Variants in MYRFL observed in about 807,000 individuals in gnomAD.
MYRFL encodes myelin regulatory factor-like protein.
In MYRFL, 88 loss-of-function variants were observed where a neutral mutation model predicts 109.4. That is an observed-to-expected ratio of 0.80 (90% CI 0.68 to 0.96). MYRFL has a LOEUF of 0.96. Ranked by LOEUF, MYRFL falls within the 40% of genes least tolerant of loss-of-function variation. The pLI is 0.00. For synonymous variants in MYRFL, 324 were observed against 320.9 expected (o/e 1.01, Z -0.10); for missense variants, 957 against 954.9 (o/e 1.00, Z -0.03).
At chr12:69,934,786 G>A (rs1955393220) in intron 16 of MYRFL, among the ~76,000 whole-genome samples, 1 of 152,164 alleles carries the variant, frequency 6.6e-6, no homozygotes, top group African/African-American at 2.4e-5. Context: ...TGAGGCTGAT[G>A]TTTTTATAGG....
Position 69,958,697 on chromosome 12 carries a change from G to A in MYRFL, c.*166G>A. On this transcript the variant is annotated 3_prime_UTR_variant, in exon 25 of 25. Coordinates refer to ENST00000552032, the MANE Select transcript of MYRFL (RefSeq NM_182530.3). ...TCCAACAGTTTTGAGACATTAATGA[G>A]GAGAATAAAATGTTTGCTGAAACTT... The A allele has an allele frequency of 1.8e-6, 1 of 564,500 alleles. No individual in the cohort carries two copies. Among genetic ancestry groups the A allele is most frequent in the Non-Finnish European group, 3.1e-6 (1 of 325,638 alleles). The allele number at this position is 564,500 out of a possible 1,614,324, so 35.0% of individuals were successfully genotyped here.
Position 69,957,809 on chromosome 12 carries a change from T to C in MYRFL, c.2451-13T>C. ...CTTTTTCAGGTGCTCTTTCTTTTCT[T>C]TGTCTCTTGAAGCACAACAGAGCCA... On this transcript the variant is annotated splice_polypyrimidine_tract_variant and intron_variant, in intron 22 of 24. Coordinates refer to ENST00000552032, the MANE Select transcript of MYRFL (RefSeq NM_182530.3). 6.6e-7 allele frequency: 1 copy of C among 1,511,028 alleles called. No homozygotes were observed. The highest frequency in any genetic ancestry group is 1.2e-5 in the South Asian group (1 of 81,366). The allele number at this position is 1,511,028 out of a possible 1,614,324, so 93.6% of individuals were successfully genotyped here.
chr12:69,874,612 T>C (rs1052105122), intron 2 of MYRFL, among the ~76,000 whole-genome samples: 2 of 152,232 alleles, frequency 1.3e-5, no homozygotes, highest in African/African-American at 4.8e-5. Flanking sequence ...TAACTGTCTT[T>C]AACATTTCTT....
At chr12:69,956,500 G>A (rs917367358) in intron 22 of MYRFL, among the ~76,000 whole-genome samples, 1 of 152,084 alleles carries the variant, frequency 6.6e-6, no homozygotes, top group Admixed American at 6.5e-5. Flanking sequence ...GAAGATAAAT[G>A]GTTTTTTGTG....
rs1310566243 is a variant in MYRFL at position 69,939,450 on chromosome 12, AG to A, written c.2224+2821del. Among the ~76,000 whole-genome samples the A allele has an allele frequency of 5.3e-5, 8 of 152,248 alleles. No homozygotes were observed. The East Asian group carries it at 1.4e-3, about 26-fold the overall frequency. On this transcript the variant is annotated intron_variant, in intron 19 of 24. Coordinates refer to ENST00000552032, the MANE Select transcript of MYRFL (RefSeq NM_182530.3). ...GGGGCACACTGACACCTCACACGGC[AG>A]GGTACTCCAACAGACCTGCAGCTGA...
At chr12:69,841,537 G>T (rs1241565397) in intron 1 of MYRFL, among the ~76,000 whole-genome samples, 8 of 152,230 alleles carry the variant, frequency 5.3e-5, no homozygotes, top group Non-Finnish European at 5.9e-5. Context: ...AGTTGGAAGA[G>T]ATGTGCACAA....
chr12:69,875,028 T>G (rs1885577135), intron 2 of MYRFL, among the ~76,000 whole-genome samples: 1 of 151,142 alleles, frequency 6.6e-6, no homozygotes, highest in Non-Finnish European at 1.5e-5. Flanking sequence ...CTCAGCAAAA[T>G]AAATACATCT....
intron 16 of MYRFL, among the ~76,000 whole-genome samples, chr12:69,933,866 C>T (rs1385996533): frequency 3.1e-5 from 2 of 63,676 alleles, no homozygotes; most frequent in Non-Finnish European, 8.7e-5. Flanking sequence ...TTTAAACATG[C>T]TTATTAGGTC....
intron 13 of MYRFL, among the ~76,000 whole-genome samples, chr12:69,918,561 C>T (rs1238634996): frequency 6.6e-6 from 1 of 152,170 alleles, no homozygotes; most frequent in Non-Finnish European, 1.5e-5. Flanking sequence ...CCTATTGTTG[C>T]TCAGTTCTCA....
At chr12:69,917,703 G>A (rs1003736748) in intron 13 of MYRFL, among the ~76,000 whole-genome samples, 3 of 152,120 alleles carry the variant, frequency 2.0e-5, no homozygotes, top group African/African-American at 7.2e-5. Flanking sequence ...CCTCATCAGT[G>A]CTGTGTTGAT....
At chr12:69,896,879 G>A (rs551704603) in intron 9 of MYRFL, among the ~76,000 whole-genome samples, 5 of 152,310 alleles carry the variant, frequency 3.3e-5, no homozygotes, top group Admixed American at 1.3e-4. Context: ...GGATGTCTCC[G>A]CAGGGTGGCC....
intron 16 of MYRFL, among the ~76,000 whole-genome samples, chr12:69,934,992 G>C (rs1227936881): frequency 1.3e-5 from 2 of 152,160 alleles, no homozygotes; most frequent in Non-Finnish European, 2.9e-5. Flanking sequence ...AACCCTGTTT[G>C]GCTAGGATTT....
intron 10 of MYRFL, among the ~76,000 whole-genome samples, chr12:69,900,940 T>C (rs1235761444): frequency 6.6e-6 from 1 of 152,192 alleles, no homozygotes; most frequent in Admixed American, 6.5e-5. Flanking sequence ...GGAGAGTGTG[T>C]CGAGAATAAC....
intron 1 of MYRFL, among the ~76,000 whole-genome samples, chr12:69,834,081 T>C (rs772637209): frequency 4.6e-5 from 7 of 152,124 alleles, no homozygotes; most frequent in Non-Finnish European, 8.8e-5. Flanking sequence ...TCCTGCTCTG[T>C]GCATAACAAA....
At chr12:69,921,774 T>A (rs1480297842) in intron 13 of MYRFL, among the ~76,000 whole-genome samples, 1 of 152,138 alleles carries the variant, frequency 6.6e-6, no homozygotes, top group Non-Finnish European at 1.5e-5. Context: ...ACTGGCAAAT[T>A]TCAGTTGGAG....
chr12:69,868,274 T>C (rs1885129022), intron 2 of MYRFL, among the ~76,000 whole-genome samples: 1 of 151,860 alleles, frequency 6.6e-6, no homozygotes, highest in African/African-American at 2.4e-5. Flanking sequence ...GCCTGGCTAA[T>C]TTTTTTGTAT....
Position 69,922,401 on chromosome 12 carries a change from T to TTTTG in MYRFL, c.1603-4167_1603-4164dup, listed in dbSNP as rs1954941783. On this transcript the variant is annotated intron_variant, in intron 13 of 24. Transcript: ENST00000552032. The stretch of plus-strand genomic sequence containing the variant: ...CCAGGATTAGAAAATTTAGAAGGGC[T>TTTTG]TTTGTTAGGAGATTTTTGTTTTTGT... 8.5e-5 allele frequency among the ~76,000 whole-genome samples: 13 copies of TTTTG among 152,264 alleles called. No homozygotes were observed. The South Asian group carries it at 2.7e-3, about 32-fold the overall frequency.
chr12:69,955,228 G>A, intron 21 of MYRFL, 135 bp from the exon 22 acceptor site: 2 of 377,054 alleles, frequency 5.3e-6, no homozygotes, highest in Admixed American at 8.8e-5. Flanking sequence ...ATACCAGGTT[G>A]AACTCAGTTT....
intron 5 of MYRFL, among the ~76,000 whole-genome samples, chr12:69,880,940 T>G (rs1886041445): frequency 7.3e-6 from 1 of 137,580 alleles, no homozygotes; most frequent in South Asian, 2.4e-4. Flanking sequence ...GTCCAAGCGG[T>G]CAGCCTTCCT....
Sources: gnomAD v4.1 joint callset for allele counts (sites outside exome capture counted in the v4.1 genomes callset) on GRCh38, gnomAD v4.1.1 for gene constraint, MANE v1.5 for transcripts, NCBI Gene and HGNC (gene_info 2026-07-23, HGNC 2026-07-21) for gene names.